Variants in CCDC171 observed in about 807,000 individuals in gnomAD.
CCDC171 encodes coiled-coil domain-containing protein 171.
Under a neutral mutation model 168.2 loss-of-function variants are expected in CCDC171, and 177 were observed. That is an observed-to-expected ratio of 1.05 (90% CI 0.93 to 1.19). CCDC171 has a LOEUF of 1.19. Among genes scored for constraint, CCDC171 ranks in the 50% most tolerant of loss-of-function variants. The pLI is 0.00. For missense variants in CCDC171, 1,991 were observed against 1,539.0 expected, an observed-to-expected ratio of 1.29 and a Z score of -4.91; for synonymous variants, 687 against 540.8, an observed-to-expected ratio of 1.27 and a Z score of -3.75.
intron 25 of CCDC171, among the ~76,000 whole-genome samples, chr9:15,945,099 A>C (rs2132352840): frequency 6.7e-6 from 1 of 149,096 alleles, no homozygotes; most frequent in African/African-American, 2.5e-5. Context: ...CTCATTGTTC[A>C]ATTCCCACCT....
intron 25 of CCDC171, among the ~76,000 whole-genome samples, chr9:15,955,921 T>G (rs939519176): frequency 2.3e-4 from 35 of 152,218 alleles, no homozygotes; most frequent in Admixed American, 2.0e-3. Flanking sequence ...AAGTAAGAAT[T>G]GAGAATTATC....
rs16923218 is a variant in CCDC171 at position 16,008,548 on chromosome 9, A to C, written n.369-12041A>C. On this transcript the variant is annotated intron_variant and non_coding_transcript_variant, in intron 3 of 9. Transcript: ENST00000486641. ...TTCTGAGAGTCCCCTGGAAATGCTT[A>C]GGCGTCTCATGGATCCATCCTAGTG... Among the ~76,000 whole-genome samples, 831 of 152,238 alleles carry C rather than the reference A, an allele frequency of 5.5e-3. 9 individuals are homozygous for C. The highest frequency in any genetic ancestry group is 0.019 in the African/African-American group (782 of 41,526).
intron 21 of CCDC171, among the ~76,000 whole-genome samples, chr9:15,839,598 G>T (rs766329595): frequency 2.0e-5 from 3 of 152,084 alleles, no homozygotes; most frequent in Non-Finnish European, 2.9e-5. Flanking sequence ...TAATATGCTT[G>T]AGTTATAATG....
intron 4 of CCDC171, 65 bp downstream of exon 4, chr9:15,579,088 G>T (rs2040913872): frequency 7.6e-7 from 1 of 1,308,722 alleles, no homozygotes; most frequent in Admixed American, 2.0e-5. Context: ...ACTCCTCGCT[G>T]TTGTGTGTAC....
chr9:16,081,855 TA>T, the CCDC171 span, among the ~76,000 whole-genome samples: 2,535 of 147,502 alleles, frequency 0.017, 35 homozygotes, highest in Non-Finnish European at 0.027. Flanking sequence ...TTGATTACTT[TA>T]AAAAAAAAAA....
At chr9:15,945,642 A>G (rs976362859) in intron 25 of CCDC171, among the ~76,000 whole-genome samples, 2 of 143,202 alleles carry the variant, frequency 1.4e-5, no homozygotes, top group African/African-American at 5.0e-5. Flanking sequence ...GATGGTGAGC[A>G]TTTTTTCATG....
intron 18 of CCDC171, among the ~76,000 whole-genome samples, chr9:15,756,127 G>C (rs1045850208): frequency 5.3e-5 from 8 of 152,044 alleles, no homozygotes; most frequent in Admixed American, 5.2e-4. Context: ...TAGCTAGAAG[G>C]TGGCAACAGA....
At chr9:16,080,453 C>A in the CCDC171 span, among the ~76,000 whole-genome samples, 1 of 152,120 alleles carries the variant, frequency 6.6e-6, no homozygotes, top group Admixed American at 6.5e-5. Context: ...TTGTTTTCTA[C>A]GTCTTTTTCT....
intron 1 of CCDC171, among the ~76,000 whole-genome samples, chr9:15,557,684 C>G (rs1342281101): frequency 6.6e-6 from 1 of 152,170 alleles, no homozygotes; most frequent in Non-Finnish European, 1.5e-5. Flanking sequence ...CACCTGCAAA[C>G]AAGGACAATT....
intron 24 of CCDC171, chr9:15,888,235 C>T (rs1325404830): frequency 6.6e-6 from 1 of 152,124 alleles, no homozygotes; most frequent in Non-Finnish European, 1.5e-5. Flanking sequence ...ATGTGATTTT[C>T]ACATCCTGAC....
At chr9:15,785,152 C>G (rs184058441) in intron 21 of CCDC171, among the ~76,000 whole-genome samples, 1 of 152,064 alleles carries the variant, frequency 6.6e-6, no homozygotes, top group East Asian at 1.9e-4. Context: ...AAGAGTTGTT[C>G]TCTCTGTCAT....
intron 21 of CCDC171, among the ~76,000 whole-genome samples, chr9:15,786,292 A>G (rs1283550232): frequency 6.6e-6 from 1 of 152,166 alleles, no homozygotes; most frequent in Non-Finnish European, 1.5e-5. Context: ...CTTGCTTACC[A>G]ACCGATATGA....
At chr9:16,083,894 A>T in the CCDC171 span, among the ~76,000 whole-genome samples, 32 of 152,312 alleles carry the variant, frequency 2.1e-4, no homozygotes, top group South Asian at 6.6e-3. Context: ...TACAGGCTGC[A>T]GGGCTCAGTC....
intron 21 of CCDC171, among the ~76,000 whole-genome samples, chr9:15,828,492 T>A (rs2060105626): frequency 2.6e-5 from 4 of 152,210 alleles, no homozygotes; most frequent in Admixed American, 2.6e-4. Flanking sequence ...TAGATTTATA[T>A]GTAGGACGTC....
At position 15,617,371 on chromosome 9, in the gene CCDC171, G is replaced by T. The variant is rs146305895; in HGVS notation, c.676-5896G>T. Among the ~76,000 whole-genome samples the T allele has an allele frequency of 6.6e-3, 986 of 149,792 alleles. 16 individuals are homozygous for T. Among genetic ancestry groups the T allele is most frequent in the African/African-American group, 0.023 (931 of 40,908 alleles). On this transcript the variant is annotated intron_variant, in intron 6 of 25. Transcript: ENST00000380701. Reference sequence around the variant, plus strand: ...CTGATGACCTTTGGATGGGCTTTTTGTGGGAGGGTTTTTTTTTTTTTTTGA... The same window carrying T: ...CTGATGACCTTTGGATGGGCTTTTTTTGGGAGGGTTTTTTTTTTTTTTTGA...
chr9:15,874,573 G>A lies in CCDC171; in HGVS notation c.3510G>A (p.Arg1170=). 6.2e-7 allele frequency: 1 copy of A among 1,608,086 alleles called. No individual in the cohort carries two copies. Residue 1170 remains arginine, a synonymous_variant, in exon 24 of 26, where the codon AGG becomes AGA. Transcript: ENST00000380701. Reference sequence around the variant, plus strand: ...CGCTGTCATGGTCTGCGGCAAGTAGGAATGACTTCACCCTACAGCTACCCA... The same window carrying A: ...CGCTGTCATGGTCTGCGGCAAGTAGAAATGACTTCACCCTACAGCTACCCA... The part of the protein sequence containing the change: ...QISLSWSAAS[R]NDFTLQLPKL...
At chr9:15,943,466 A>G (rs1255920838) in intron 25 of CCDC171, among the ~76,000 whole-genome samples, 1 of 152,038 alleles carries the variant, frequency 6.6e-6, no homozygotes, top group Non-Finnish European at 1.5e-5. Flanking sequence ...ACAATTAAAC[A>G]TATAATAGCA....
chr9:15,812,639 G>C (rs2059405191), intron 21 of CCDC171, among the ~76,000 whole-genome samples: 1 of 152,194 alleles, frequency 6.6e-6, no homozygotes, highest in South Asian at 2.1e-4. Context: ...CCAGAAGGCA[G>C]AGCAAGCGAC....
intron 21 of CCDC171, among the ~76,000 whole-genome samples, chr9:15,792,891 G>A (rs905298068): frequency 2.2e-4 from 34 of 151,556 alleles, no homozygotes; most frequent in African/African-American, 6.8e-4. Context: ...AAAGACCATC[G>A]AGGCTAGGAA....
Sources: gnomAD v4.1 joint callset for allele counts (sites outside exome capture counted in the v4.1 genomes callset) on GRCh38, gnomAD v4.1.1 for gene constraint, MANE v1.5 for transcripts, NCBI Gene and HGNC (gene_info 2026-07-23, HGNC 2026-07-21) for gene names.